The following DLGAP2 variants were observed in gnomAD, a reference collection of about 807,000 sequenced individuals.
DLGAP2 encodes DLG associated protein 2, also known as disks large-associated protein 2.
A neutral mutation model predicts 100.3 loss-of-function variants in DLGAP2; 26 were observed. That is an observed-to-expected ratio of 0.26 (90% CI 0.19 to 0.36). DLGAP2 has a LOEUF of 0.36. Ranked by LOEUF, DLGAP2 falls within the 10% of genes least tolerant of loss-of-function variation. The pLI, the probability that DLGAP2 is intolerant of heterozygous loss-of-function variation, is 1.00. For missense variants in DLGAP2, 1,858 were observed against 1,453.2 expected, an observed-to-expected ratio of 1.28 and a Z score of -4.53; for synonymous variants, 886 against 630.1, an observed-to-expected ratio of 1.41 and a Z score of -6.08.
At chr8:1,219,991 G>A (rs1012972973) in intron 2 of DLGAP2, among the ~76,000 whole-genome samples, 2 of 151,628 alleles carry the variant, frequency 1.3e-5, no homozygotes, top group East Asian at 1.9e-4. Context: ...TGTTTATTTG[G>A]ATCTTCTCTC....
At chr8:1,658,124 C>T (rs767576478) in intron 8 of DLGAP2, among the ~76,000 whole-genome samples, 1 of 152,196 alleles carries the variant, frequency 6.6e-6, no homozygotes, top group South Asian at 2.1e-4. Context: ...AAGACTGGCC[C>T]TCCCACCCTC....
At chr8:1,182,588 C>T (rs1452138199) in intron 2 of DLGAP2, among the ~76,000 whole-genome samples, 1 of 152,186 alleles carries the variant, frequency 6.6e-6, no homozygotes, top group Admixed American at 6.5e-5. Flanking sequence ...GTGGCCCTAA[C>T]AGAATTGTGT....
chr8:769,562 C>T (rs10111626), intron 1 of DLGAP2, among the ~76,000 whole-genome samples: 113,510 of 152,034 alleles, frequency 0.75, 42,648 homozygotes, highest in Middle Eastern at 0.82. Flanking sequence ...TGGGAAGGAA[C>T]AGAGAAGTAA....
intron 3 of DLGAP2, among the ~76,000 whole-genome samples, chr8:1,260,501 T>A (rs11781355): frequency 0.46 from 70,562 of 152,090 alleles, 17,457 homozygotes; most frequent in African/African-American, 0.65. Flanking sequence ...AAAAGAAGAG[T>A]TTTTTCCCAG....
chr8:1,619,587 A>G (rs1797262803), intron 6 of DLGAP2: 1 of 152,264 alleles, frequency 6.6e-6, no homozygotes. Flanking sequence ...ACCAAATGCT[A>G]AAATCTCGAG....
At chr8:1,423,468 C>T (rs928692234) in intron 3 of DLGAP2, among the ~76,000 whole-genome samples, 2 of 152,244 alleles carry the variant, frequency 1.3e-5, no homozygotes, top group Non-Finnish European at 1.5e-5. Context: ...GCCCTGCCAT[C>T]TCCATACCGC....
At chr8:1,173,435 T>A (rs1797175943) in intron 2 of DLGAP2, among the ~76,000 whole-genome samples, 1 of 152,186 alleles carries the variant, frequency 6.6e-6, no homozygotes, top group African/African-American at 2.4e-5. Flanking sequence ...GACATTTAAG[T>A]CTGCAGAGGC....
chr8:1,237,027 A>T (rs1464367247), intron 2 of DLGAP2, among the ~76,000 whole-genome samples: 82 of 122,702 alleles, frequency 6.7e-4, no homozygotes, highest in Middle Eastern at 6.1e-3. Context: ...TCTCACACAG[A>T]GCATCGTGTC....
intron 3 of DLGAP2, among the ~76,000 whole-genome samples, chr8:1,426,309 G>C (rs1207065159): frequency 1.9e-4 from 29 of 152,176 alleles, no homozygotes; most frequent in Admixed American, 1.9e-3. Flanking sequence ...AATTGGGAAG[G>C]ACCGACTCCA....
intron 2 of DLGAP2, chr8:1,019,631 G>A (rs1801571975): frequency 7.7e-6 from 1 of 129,502 alleles, no homozygotes; most frequent in South Asian, 2.6e-4. Flanking sequence ...GGGGACTGTG[G>A]CTTATTCATT....
intron 1 of DLGAP2, among the ~76,000 whole-genome samples, chr8:844,812 A>G (rs1431480174): frequency 6.6e-6 from 1 of 152,054 alleles, no homozygotes; most frequent in Non-Finnish European, 1.5e-5. Context: ...AACCCCACCT[A>G]TCTTAGCCAT....
At chr8:1,360,526 G>T (rs1193343688) in intron 3 of DLGAP2, among the ~76,000 whole-genome samples, 5 of 152,144 alleles carry the variant, frequency 3.3e-5, no homozygotes, top group African/African-American at 9.7e-5. Flanking sequence ...TTGCCCTCGA[G>T]GGGCAGCACG....
Position 1,550,076 on chromosome 8 carries a change from A to C in DLGAP2, c.1230+393A>C, listed in dbSNP as rs902911308. ...CACGGTTCCACTCTCTGCTCCTATG[A>C]GTTCAGCTGTTTCAGATGCCACCCG... is the stretch of plus-strand genomic sequence containing the variant. On this transcript the variant is annotated intron_variant, in intron 5 of 14. Coordinates refer to ENST00000637795, the MANE Select transcript of DLGAP2 (RefSeq NM_001346810.2). 2.6e-5 allele frequency among the ~76,000 whole-genome samples: 4 copies of C among 152,134 alleles called. No homozygotes were observed. In the East Asian group the frequency reaches 7.8e-4, roughly 29 times the overall value.
At chr8:1,320,694 CA>C (rs1800876335) in intron 3 of DLGAP2, among the ~76,000 whole-genome samples, 1 of 152,202 alleles carries the variant, frequency 6.6e-6, no homozygotes, top group South Asian at 2.1e-4. Flanking sequence ...AACCAGCTGC[CA>C]CTTCCCAGCA....
chr8:979,487 A>C (rs967731802), intron 2 of DLGAP2, among the ~76,000 whole-genome samples: 7 of 152,354 alleles, frequency 4.6e-5, no homozygotes, highest in African/African-American at 1.7e-4. Context: ...GTAACTGGAG[A>C]GACAGGAGAC....
chr8:932,464 C>T (rs556872221), intron 2 of DLGAP2, among the ~76,000 whole-genome samples: 63 of 152,288 alleles, frequency 4.1e-4, no homozygotes, highest in African/African-American at 1.3e-3. Flanking sequence ...TGGTTTTGTG[C>T]TGAGTTTTGT....
intron 7 of DLGAP2, 108 bp downstream of exon 7, chr8:1,626,995 C>T (rs1797522471): frequency 1.5e-6 from 2 of 1,378,306 alleles, no homozygotes; most frequent in Non-Finnish European, 2.0e-6. Context: ...TGGTCAGCAG[C>T]ACTTGGGCAA....
At chr8:1,378,346 A>C (rs1281479502) in intron 3 of DLGAP2, among the ~76,000 whole-genome samples, 1 of 130,732 alleles carries the variant, frequency 7.6e-6, no homozygotes, top group Non-Finnish European at 1.6e-5. Context: ...CACACACCTG[A>C]CCTCACCTGT....
intron 2 of DLGAP2, among the ~76,000 whole-genome samples, chr8:1,207,521 A>G (rs927971031): frequency 2.0e-5 from 3 of 152,212 alleles, no homozygotes; most frequent in Admixed American, 6.5e-5. Context: ...GCAATTGTGA[A>G]TACACATGCA....
Sources: gnomAD v4.1 joint callset for allele counts (sites outside exome capture counted in the v4.1 genomes callset) on GRCh38, gnomAD v4.1.1 for gene constraint, MANE v1.5 for transcripts, NCBI Gene and HGNC (gene_info 2026-07-23, HGNC 2026-07-21) for gene names.